PPP3CA: variants seen among roughly 807,000 people sequenced by gnomAD.
The protein encoded by PPP3CA is CAM-PRP catalytic subunit.
PPP3CA carries 14 observed loss-of-function variants against 66.5 expected under a neutral mutation model. The ratio of observed to expected loss-of-function variants is 0.21; its 90% confidence interval spans 0.14 to 0.33. The LOEUF (loss-of-function observed/expected upper bound fraction) is 0.33, where lower values mean the gene tolerates loss of function less well. Ranked by LOEUF, PPP3CA falls within the 10% of genes least tolerant of loss-of-function variation. The pLI, the probability that PPP3CA is intolerant of heterozygous loss-of-function variation, is 1.00. For synonymous variants in PPP3CA, 232 were observed against 226.2 expected (o/e 1.03, Z -0.23); for missense variants, 317 against 639.5 (o/e 0.50, Z 5.44).
intron 3 of PPP3CA, 138 bp from the exon 4 acceptor site, chr4:101,099,860 G>C: frequency 2.5e-6 from 1 of 399,618 alleles, no homozygotes; most frequent in Non-Finnish European, 4.2e-6. Context: ...ACTTAGTAGA[G>C]AAGATATTGA....
intron 1 of PPP3CA, among the ~76,000 whole-genome samples, chr4:101,310,629 C>T (rs575026201): frequency 5.3e-5 from 8 of 152,060 alleles, no homozygotes; most frequent in Admixed American, 2.6e-4. Flanking sequence ...GCCATGATCA[C>T]GCCACTGCAC....
chr4:101,321,480 A>G (rs186632629), intron 1 of PPP3CA, among the ~76,000 whole-genome samples: 186 of 152,348 alleles, frequency 1.2e-3, no homozygotes, highest in African/African-American at 4.4e-3. Context: ...AAATATTAGC[A>G]GAGACCAAAA....
intron 1 of PPP3CA, among the ~76,000 whole-genome samples, chr4:101,230,688 A>C (rs1016100586): frequency 2.0e-5 from 3 of 151,626 alleles, no homozygotes; most frequent in Non-Finnish European, 4.4e-5. Context: ...CTCCGAGCTA[A>C]AAGGTCACTG....
intron 1 of PPP3CA, among the ~76,000 whole-genome samples, chr4:101,207,190 C>T (rs1271418338): frequency 6.6e-6 from 1 of 152,118 alleles, no homozygotes; most frequent in African/African-American, 2.4e-5. Context: ...ACAACAGTGC[C>T]CCACTGCTAA....
intron 6 of PPP3CA, 67 bp from the exon 7 acceptor site, chr4:101,083,330 T>G: frequency 1.7e-4 from 219 of 1,284,694 alleles, no homozygotes; most frequent in Non-Finnish European, 2.3e-4. Flanking sequence ...CATTTATCTC[T>G]AACATCCAGA....
chr4:101,241,849 T>A (rs778500987), intron 1 of PPP3CA, among the ~76,000 whole-genome samples: 8 of 152,126 alleles, frequency 5.3e-5, no homozygotes, highest in Non-Finnish European at 1.2e-4. Flanking sequence ...CATTAATACA[T>A]GTACACTTAG....
rs1409980396 is a variant in PPP3CA, at chr4:101,044,204, C to T, written c.1157-3638G>A. ...GATGTAAATGTTCTGGTATACTATA[C>T]TTAGTATTGCTATTCCAGGTTTTCG... is the stretch of plus-strand genomic sequence containing the variant. On this transcript the variant is annotated intron_variant, in intron 10 of 13. Transcript: ENST00000394854. Among the ~76,000 whole-genome samples the T allele has an allele frequency of 2.0e-5, 3 of 152,176 alleles. No individual in the cohort carries two copies. The East Asian group carries it at 5.8e-4, about 29-fold the overall frequency.
At position 101,023,982 on chromosome 4, in the gene PPP3CA, T is replaced by G. The variant is rs6826912; in HGVS notation, c.*1883A>C. The G allele has an allele frequency of 0.12, 18,338 of 152,540 alleles. 1,951 individuals are homozygous for G. The highest frequency in any genetic ancestry group is 0.29 in the African/African-American group (11,882 of 41,492). The allele number at this position is 152,540 out of a possible 1,614,324, so 9.4% of individuals were successfully genotyped here. On this transcript the variant is annotated 3_prime_UTR_variant, in exon 14 of 14. Transcript: ENST00000394854. Reference sequence around the variant, plus strand: ...ACTTAGTAGCCTAGTACTTTTTGCTTTAGCAGATAGATAGGGCATCCAATA... The same window carrying G: ...ACTTAGTAGCCTAGTACTTTTTGCTGTAGCAGATAGATAGGGCATCCAATA...
chr4:101,212,760 TA>T (rs151060583), intron 1 of PPP3CA, among the ~76,000 whole-genome samples: 6,875 of 152,156 alleles, frequency 0.045, 486 homozygotes, highest in African/African-American at 0.15. Flanking sequence ...AAGCAGCAAT[TA>T]AACTACTGGG....
intron 1 of PPP3CA, among the ~76,000 whole-genome samples, chr4:101,272,513 T>C (rs923033848): frequency 2.0e-5 from 3 of 152,206 alleles, no homozygotes; most frequent in African/African-American, 7.2e-5. Context: ...AAGTATGTTT[T>C]CAACATTACT....
intron 1 of PPP3CA, among the ~76,000 whole-genome samples, chr4:101,200,471 A>G (rs991767810): frequency 6.6e-6 from 1 of 152,254 alleles, no homozygotes; most frequent in African/African-American, 2.4e-5. Context: ...AAATATGCCA[A>G]TGCATATTTT....
At chr4:101,147,360 A>T (rs1723003089) in intron 2 of PPP3CA, among the ~76,000 whole-genome samples, 1 of 152,122 alleles carries the variant, frequency 6.6e-6, no homozygotes. Flanking sequence ...AAATTAGAAG[A>T]CTCAGTATTT....
chr4:101,272,879 AAG>A (rs1727376284), intron 1 of PPP3CA, among the ~76,000 whole-genome samples: 1 of 152,204 alleles, frequency 6.6e-6, no homozygotes, highest in Non-Finnish European at 1.5e-5. Flanking sequence ...CCCTTAAGGT[AAG>A]AGAGTTAGCT....
intron 1 of PPP3CA, among the ~76,000 whole-genome samples, chr4:101,312,262 T>C (rs1183074857): frequency 6.6e-6 from 1 of 152,136 alleles, no homozygotes; most frequent in Non-Finnish European, 1.5e-5. Flanking sequence ...TTCATTTTCA[T>C]TGTAAGTACA....
intron 10 of PPP3CA, among the ~76,000 whole-genome samples, chr4:101,048,452 T>A (rs28633419): frequency 0.063 from 9,199 of 146,746 alleles, 323 homozygotes; most frequent in African/African-American, 0.092. Flanking sequence ...TGCACTGTTC[T>A]TCTACTTAGG....
chr4:101,127,244 T>C (rs1464496976), intron 2 of PPP3CA, among the ~76,000 whole-genome samples: 1 of 151,908 alleles, frequency 6.6e-6, no homozygotes, highest in East Asian at 1.9e-4. Context: ...CTACTTTGAA[T>C]GTCTCTGTTC....
chr4:101,206,075 G>A lies in PPP3CA; in HGVS notation c.59-9959C>T, dbSNP rs920775685. Among the ~76,000 whole-genome samples the A allele has an allele frequency of 3.9e-5, 6 of 152,162 alleles. No individual in the cohort carries two copies. In the East Asian group the frequency reaches 9.6e-4, roughly 24 times the overall value. ...CATCAGGCCCTCTGGGTCTTTCCAC[G>A]TTTCAGTAATGCTTACACTGTTTGC... On this transcript the variant is annotated intron_variant, in intron 1 of 13. Transcript: ENST00000394854.
intron 1 of PPP3CA, among the ~76,000 whole-genome samples, chr4:101,346,117 G>A (rs1190984524): frequency 6.7e-6 from 1 of 148,998 alleles, no homozygotes; most frequent in African/African-American, 2.5e-5. Context: ...CCCGCCCCGC[G>A]CGGAAGGAAG....
chr4:101,304,068 T>A (rs1728462335), intron 1 of PPP3CA, among the ~76,000 whole-genome samples: 1 of 152,214 alleles, frequency 6.6e-6, no homozygotes, highest in South Asian at 2.1e-4. Context: ...CCTTTGTTTA[T>A]GGTGTCTTTT....
Sources: gnomAD v4.1 joint callset for allele counts (sites outside exome capture counted in the v4.1 genomes callset) on GRCh38, gnomAD v4.1.1 for gene constraint, MANE v1.5 for transcripts, NCBI Gene and HGNC (gene_info 2026-07-23, HGNC 2026-07-21) for gene names.